Variants in SOX5 observed in about 807,000 individuals in gnomAD.
SOX5 encodes transcription factor SOX-5.
A neutral mutation model predicts 92.0 loss-of-function variants in SOX5; 9 were observed. The observed-to-expected ratio is 0.10, with a 90% CI of 0.06 to 0.17. The LOEUF is 0.17. SOX5 is among the 10% of genes least tolerant of loss of function. The pLI, the probability that SOX5 is intolerant of heterozygous loss-of-function variation, is 1.00. For synonymous variants in SOX5, 344 were observed against 336.3 expected (o/e 1.02, Z -0.25); for missense variants, 642 against 944.5 (o/e 0.68, Z 4.20).
At chr12:23,592,264 C>G (rs191281389) in intron 9 of SOX5, among the ~76,000 whole-genome samples, 1 of 151,994 alleles carries the variant, frequency 6.6e-6, no homozygotes, top group Non-Finnish European at 1.5e-5. Context: ...TCTGATAAGA[C>G]CCGAAAAAGG....
chr12:23,730,564 T>A lies in SOX5; in HGVS notation c.810+4120A>T, dbSNP rs532846328. On this transcript the variant is annotated intron_variant, in intron 6 of 14. Coordinates refer to ENST00000451604, the MANE Select transcript of SOX5 (RefSeq NM_006940.6). ...CCTTAATGAATTAGGTGGGTCAACC[T>A]GGCAGAAGACTGTAACCCTACAAAG... 7.2e-5 allele frequency among the ~76,000 whole-genome samples: 11 copies of A among 152,344 alleles called. No homozygotes were observed. In the East Asian group the frequency reaches 1.9e-3, roughly 27 times the overall value.
chr12:23,733,584 A>G (rs2093473478), intron 6 of SOX5, among the ~76,000 whole-genome samples: 1 of 152,140 alleles, frequency 6.6e-6, no homozygotes, highest in African/African-American at 2.4e-5. Flanking sequence ...TAGAATAAGA[A>G]AGAAGGAACA....
chr12:23,639,486 C>T (rs1200010937), intron 8 of SOX5, among the ~76,000 whole-genome samples: 3 of 152,176 alleles, frequency 2.0e-5, no homozygotes, highest in Non-Finnish European at 4.4e-5. Flanking sequence ...ATATTATTCC[C>T]TCTTGCTAAT....
At chr12:24,109,967 T>A (rs1374525601) in intron 4 of SOX5, among the ~76,000 whole-genome samples, 1 of 152,196 alleles carries the variant, frequency 6.6e-6, no homozygotes, top group East Asian at 1.9e-4. Context: ...ATTAAAATTT[T>A]TTCTGATGAC....
At chr12:24,169,265 C>T (rs1953785950) in intron 4 of SOX5, among the ~76,000 whole-genome samples, 1 of 152,136 alleles carries the variant, frequency 6.6e-6, no homozygotes, top group Admixed American at 6.6e-5. Flanking sequence ...TTTAAAATTT[C>T]ACATGCCTAA....
intron 1 of SOX5, among the ~76,000 whole-genome samples, chr12:24,496,566 A>T (rs1472799220): frequency 1.3e-5 from 2 of 152,176 alleles, no homozygotes; most frequent in East Asian, 3.8e-4. Flanking sequence ...GAGTAGCAGA[A>T]GAGAAACAAA....
At chr12:24,542,992 A>T (rs916179683) in intron 1 of SOX5, among the ~76,000 whole-genome samples, 7 of 152,260 alleles carry the variant, frequency 4.6e-5, no homozygotes, top group African/African-American at 1.7e-4. Context: ...ATACCAATTA[A>T]TTGGCAAATT....
intron 3 of SOX5, among the ~76,000 whole-genome samples, chr12:24,239,928 A>G (rs1451958875): frequency 2.0e-5 from 3 of 152,156 alleles, no homozygotes; most frequent in Non-Finnish European, 4.4e-5. Context: ...AGACATAAGG[A>G]ATAAAACTGC....
At chr12:24,429,588 A>C (rs1937851600) in intron 1 of SOX5, among the ~76,000 whole-genome samples, 1 of 151,674 alleles carries the variant, frequency 6.6e-6, no homozygotes, top group Admixed American at 6.6e-5. Flanking sequence ...TTGCTTTCTA[A>C]GCTATTTTCC....
At chr12:23,630,614 C>T (rs1200734363) in intron 8 of SOX5, among the ~76,000 whole-genome samples, 1 of 151,926 alleles carries the variant, frequency 6.6e-6, no homozygotes, top group African/African-American at 2.4e-5. Flanking sequence ...TCAAATCCAG[C>T]ACATGGTATT....
intron 3 of SOX5, among the ~76,000 whole-genome samples, chr12:24,219,834 G>C (rs1959971939): frequency 6.6e-6 from 1 of 152,172 alleles, no homozygotes; most frequent in Admixed American, 6.5e-5. Flanking sequence ...AAGTTCTCAA[G>C]CACTTATTAT....
chr12:23,975,744 T>C (rs957667799), intron 4 of SOX5, among the ~76,000 whole-genome samples: 2 of 152,188 alleles, frequency 1.3e-5, no homozygotes, highest in Non-Finnish European at 2.9e-5. Flanking sequence ...AATAAATGAA[T>C]ATAAATAAAG....
intron 1 of SOX5, among the ~76,000 whole-genome samples, chr12:24,562,143 C>T (rs1049560878): frequency 4.9e-4 from 74 of 152,306 alleles, no homozygotes; most frequent in Non-Finnish European, 9.4e-4. Flanking sequence ...CCAGCCCAGT[C>T]CCCCTCCCTC....
intron 1 of SOX5, among the ~76,000 whole-genome samples, chr12:24,428,910 A>G (rs1418271456): frequency 1.3e-5 from 2 of 152,068 alleles, no homozygotes; most frequent in Non-Finnish European, 2.9e-5. Context: ...CATTTATATC[A>G]CTTATTAAGT....
At chr12:24,420,836 A>G (rs879777414) in intron 1 of SOX5, among the ~76,000 whole-genome samples, 3 of 152,206 alleles carry the variant, frequency 2.0e-5, no homozygotes, top group Non-Finnish European at 4.4e-5. Context: ...AAAGGGATCA[A>G]ACTTATCTGA....
At chr12:23,953,439 C>T (rs182339498), upstream of SOX5, among the ~76,000 whole-genome samples, 22 of 152,170 alleles carry the variant, frequency 1.4e-4, no homozygotes, top group Admixed American at 1.1e-3. Context: ...TACATCACAA[C>T]TAATACCGCA....
intron 3 of SOX5, among the ~76,000 whole-genome samples, chr12:24,236,389 T>A (rs1349558134): frequency 6.6e-6 from 1 of 152,184 alleles, no homozygotes. Context: ...CTTAATGATA[T>A]AGAGTTACCA....
intron 4 of SOX5, among the ~76,000 whole-genome samples, chr12:24,037,563 T>G (rs757732414): frequency 6.6e-6 from 1 of 152,156 alleles, no homozygotes; most frequent in Non-Finnish European, 1.5e-5. Flanking sequence ...AGAAAGTGGG[T>G]AAGGAGACTG....
chr12:24,043,114 A>G (rs767592255), intron 4 of SOX5, among the ~76,000 whole-genome samples: 1 of 152,214 alleles, frequency 6.6e-6, no homozygotes, highest in Non-Finnish European at 1.5e-5. Context: ...TACCTAAAGA[A>G]GAGATGAATT....
Sources: allele counts gnomAD v4.1 joint callset (sites outside exome capture counted in the v4.1 genomes callset), GRCh38; gene constraint gnomAD v4.1.1; transcripts MANE v1.5; gene names NCBI Gene and HGNC (gene_info 2026-07-23, HGNC 2026-07-21).